ADK: variants seen among roughly 807,000 people sequenced by gnomAD.
ADK encodes the protein N6,N6-dimethyladenosine kinase.
ADK carries 24 observed loss-of-function variants against 44.7 expected under a neutral mutation model. The observed-to-expected ratio is 0.54, with a 90% CI of 0.39 to 0.76. ADK has a LOEUF of 0.76. Among genes scored for constraint, ADK ranks in the 30% least tolerant of loss-of-function variants. ADK has a pLI of 0.00. For synonymous variants in ADK, 128 were observed against 142.6 expected, an observed-to-expected ratio of 0.90 and a Z score of 0.73; for missense variants, 321 against 425.1, an observed-to-expected ratio of 0.76 and a Z score of 2.15.
intron 3 of ADK, among the ~76,000 whole-genome samples, chr10:74,303,739 G>A (rs1380338303): frequency 4.6e-5 from 7 of 151,332 alleles, no homozygotes; most frequent in East Asian, 1.9e-4. Context: ...AGGCTGAGGC[G>A]GGTGGATCAC....
chr10:74,232,726 C>T (rs1591903222), intron 3 of ADK, among the ~76,000 whole-genome samples: 2 of 152,186 alleles, frequency 1.3e-5, no homozygotes, highest in East Asian at 1.9e-4. Context: ...CCCGGGTTCA[C>T]GCCATTCTCC....
intron 6 of ADK, among the ~76,000 whole-genome samples, chr10:74,404,138 C>G (rs1843821135): frequency 6.6e-6 from 1 of 150,580 alleles, no homozygotes; most frequent in Non-Finnish European, 1.5e-5. Context: ...TCCCAAAGTT[C>G]TGGGATTACA....
At chr10:74,511,129 A>T (rs1181567113) in intron 6 of ADK, among the ~76,000 whole-genome samples, 1 of 152,174 alleles carries the variant, frequency 6.6e-6, no homozygotes, top group Non-Finnish European at 1.5e-5. Flanking sequence ...TTCATTCCCC[A>T]ATGACAATTC....
chr10:74,598,440 C>CTTTTTTTTTTTTTTTTTTTTTTTT (rs367982701), intron 8 of ADK, among the ~76,000 whole-genome samples: 1 of 114,072 alleles, frequency 8.8e-6, no homozygotes, highest in African/African-American at 4.0e-5. Context: ...GAATCTTATT[C>CTTTTTTTTTTTTTTTTTTTTTTTT]CTTTTTTTTT....
At chr10:74,598,156 G>A (rs972787248) in intron 8 of ADK, among the ~76,000 whole-genome samples, 1 of 152,076 alleles carries the variant, frequency 6.6e-6, no homozygotes, top group Non-Finnish European at 1.5e-5. Flanking sequence ...TATTCTAAAA[G>A]TCCTTGTAAT....
intron 7 of ADK, among the ~76,000 whole-genome samples, chr10:74,585,860 T>C (rs1280116822): frequency 6.6e-6 from 1 of 152,214 alleles, no homozygotes; most frequent in African/African-American, 2.4e-5. Flanking sequence ...CTTGTTTTCT[T>C]TTCTCACTTT....
chr10:74,439,980 A>G (rs1592216680), intron 6 of ADK, among the ~76,000 whole-genome samples: 1 of 151,918 alleles, frequency 6.6e-6, no homozygotes. Context: ...ATAATAAGGT[A>G]TTTCTCTTAA....
At chr10:74,293,142 C>T (rs753919056) in intron 3 of ADK, among the ~76,000 whole-genome samples, 2 of 128,506 alleles carry the variant, frequency 1.6e-5, no homozygotes. Flanking sequence ...CTCCAGCCCC[C>T]GTGACTGATT....
At chr10:74,487,760 A>G (rs771690195) in intron 6 of ADK, among the ~76,000 whole-genome samples, 46 of 152,058 alleles carry the variant, frequency 3.0e-4, no homozygotes, top group South Asian at 6.2e-4. Flanking sequence ...CTGTCTCCCA[A>G]GATGCAAAGT....
rs191058519 is a variant in ADK, at chr10:74,576,602, G to A, written c.727-12680G>A. Among the ~76,000 whole-genome samples, 160 of 152,216 alleles carry A rather than the reference G, an allele frequency of 1.1e-3. 1 individual carries two copies. The highest frequency in any genetic ancestry group is 2.3e-3 in the African/African-American group (95 of 41,540). ...GAAGAAAGACTGAGGTTGGTGACCC[G>A]TGAGAAAAGTTTCTGAGATAAGTGT... On this transcript the variant is annotated intron_variant, in intron 7 of 10. Transcript: ENST00000539909.
chr10:74,486,432 T>G (rs1847270187), intron 6 of ADK, among the ~76,000 whole-genome samples: 1 of 152,148 alleles, frequency 6.6e-6, no homozygotes, highest in African/African-American at 2.4e-5. Context: ...AAAGTTAAAA[T>G]AATAAGACAT....
At chr10:74,317,945 C>A (rs924902363) in intron 4 of ADK, among the ~76,000 whole-genome samples, 1 of 151,968 alleles carries the variant, frequency 6.6e-6, no homozygotes, top group Non-Finnish European at 1.5e-5. Flanking sequence ...CAAAGCCCAG[C>A]TAATTTTTGT....
intron 6 of ADK, among the ~76,000 whole-genome samples, chr10:74,406,988 T>C (rs932053849): frequency 4.6e-5 from 7 of 150,974 alleles, no homozygotes; most frequent in African/African-American, 9.7e-5. Context: ...CTCTTTCTTT[T>C]TTTTTTTTTT....
At chr10:74,172,454 C>T (rs768107061) in intron 1 of ADK, among the ~76,000 whole-genome samples, 7 of 151,946 alleles carry the variant, frequency 4.6e-5, no homozygotes, top group African/African-American at 1.2e-4. Flanking sequence ...TTTGGGAGGC[C>T]GAGGTGGGCG....
intron 6 of ADK, among the ~76,000 whole-genome samples, chr10:74,479,212 G>A (rs890290429): frequency 6.6e-6 from 1 of 150,410 alleles, no homozygotes; most frequent in African/African-American, 2.5e-5. Context: ...TGCCCAGGCT[G>A]GTCTCAACAC....
intron 10 of ADK, among the ~76,000 whole-genome samples, chr10:74,689,924 GT>G: frequency 6.6e-6 from 1 of 152,324 alleles, no homozygotes; most frequent in Non-Finnish European, 1.5e-5. Context: ...CTGAACACTT[GT>G]TAAAAGATCT....
chr10:74,695,620 GTGTGTGTGTGTGTGTGT>G (rs1856164882), intron 10 of ADK, among the ~76,000 whole-genome samples: 13 of 126,184 alleles, frequency 1.0e-4, no homozygotes, highest in African/African-American at 3.2e-4. Flanking sequence ...TATGTGTGGG[GTGTGTGTGTGTGTGTGT>G]GTGTGTGTGT....
At chr10:74,559,931 T>C (rs748146414) in intron 7 of ADK, among the ~76,000 whole-genome samples, 6 of 152,090 alleles carry the variant, frequency 3.9e-5, no homozygotes, top group African/African-American at 7.2e-5. Flanking sequence ...AGTTTGTCCA[T>C]TGACTTTTTT....
rs1840041225 is a variant in ADK, at chr10:74,301,785, T to TAATA, written c.195-12881_195-12878dup. On this transcript the variant is annotated intron_variant, in intron 3 of 10. Coordinates refer to ENST00000539909, the MANE Select transcript of ADK (RefSeq NM_006721.4). ...TGACCCTCATCTTCTTCTAAAAGAA[T>TAATA]AATAGATGTCTAATTAGAAACCAGT... Among the ~76,000 whole-genome samples, 2 of 152,110 alleles carry TAATA rather than the reference T, an allele frequency of 1.3e-5. 1 individual carries two copies. The highest frequency in any genetic ancestry group is 4.1e-4 in the South Asian group (2 of 4,836).
Sources: allele counts gnomAD v4.1 joint callset (sites outside exome capture counted in the v4.1 genomes callset), GRCh38; gene constraint gnomAD v4.1.1; transcripts MANE v1.5; gene names NCBI Gene and HGNC (gene_info 2026-07-23, HGNC 2026-07-21).